Variants in COQ10B observed in about 807,000 individuals in gnomAD.
The protein encoded by COQ10B is coenzyme Q-binding protein COQ10 homolog B, mitochondrial.
COQ10B carries 12 observed loss-of-function variants against 27.6 expected under a neutral mutation model. The ratio of observed to expected loss-of-function variants is 0.43; its 90% confidence interval spans 0.28 to 0.70. The LOEUF is 0.70. Ranked by LOEUF, COQ10B falls within the 30% of genes least tolerant of loss-of-function variation. The probability of loss-of-function intolerance (pLI) is 0.17; values close to 1 mark genes in which losing one functional copy is unlikely to be tolerated. For missense variants in COQ10B, 278 were observed against 288.7 expected, an observed-to-expected ratio of 0.96 and a Z score of 0.27; for synonymous variants, 115 against 103.0, an observed-to-expected ratio of 1.12 and a Z score of -0.71.
At chr2:197,466,118 A>G (rs2085822761) in intron 3 of COQ10B, among the ~76,000 whole-genome samples, 1 of 152,086 alleles carries the variant, frequency 6.6e-6, no homozygotes, top group Non-Finnish European at 1.5e-5. Flanking sequence ...AACAAAAACA[A>G]AACCACACAG....
intron 3 of COQ10B, among the ~76,000 whole-genome samples, chr2:197,468,903 C>T (rs114624191): frequency 0.012 from 1,773 of 152,256 alleles, 37 homozygotes; most frequent in African/African-American, 0.041. Context: ...AAATGCTGAG[C>T]ATCTCTCAGG....
chr2:197,464,406 G>A (rs1048182502), intron 3 of COQ10B, among the ~76,000 whole-genome samples: 2 of 152,054 alleles, frequency 1.3e-5, no homozygotes, highest in Non-Finnish European at 2.9e-5. Flanking sequence ...AGGCATTGAA[G>A]GGGGTGCAGC....
At chr2:197,467,389 T>C (rs867767574) in intron 3 of COQ10B, among the ~76,000 whole-genome samples, 1 of 152,076 alleles carries the variant, frequency 6.6e-6, no homozygotes, top group Non-Finnish European at 1.5e-5. Flanking sequence ...ATTTGATTGA[T>C]TGATTAAGAT....
At chr2:197,453,711 G>T (rs2085663791) in intron 1 of COQ10B, 47 bp downstream of exon 1, 1 of 1,510,012 alleles carries the variant, frequency 6.6e-7, no homozygotes, top group South Asian at 1.1e-5. Context: ...TTCGATTTTG[G>T]CTGCCGAGTT....
chr2:197,460,158 C>G, intron 2 of COQ10B, 77 bp downstream of exon 2: 3 of 979,026 alleles, frequency 3.1e-6, no homozygotes, highest in Non-Finnish European at 4.4e-6. Context: ...GCCTCTTTCT[C>G]TCTGGATTAT....
chr2:197,460,042 T>C lies in COQ10B; in HGVS notation c.215T>C (p.Ile72Thr). 1 of 1,610,454 alleles carries C rather than the reference T, an allele frequency of 6.2e-7. No homozygotes were observed. The highest frequency in any genetic ancestry group is 8.5e-7 in the Non-Finnish European group (1 of 1,177,762). The change falls in exon 2 of 5, where the codon ATA (isoleucine) becomes ACA (threonine). Residue 72 changes from isoleucine to threonine, a missense_variant. Physicochemically the swap from Ile to Thr is moderately conservative, Grantham distance 89. Around this residue, in one of 3 missense-constraint regions of COQ10B, gnomAD observed 183 missense variants for 158.2 expected, o/e 1.16. Coordinates refer to ENST00000263960, the MANE Select transcript of COQ10B (RefSeq NM_025147.5). ...RTFFKITAPL[I>T]NKRKEYSERR... ...TTCTTCAAAATCACTGCACCATTAA[T>C]AAACAAAAGGAAAGAATATTCAGAG...
chr2:197,473,790 C>G lies in COQ10B; in HGVS notation c.583C>G (p.Gln195Glu). The G allele has an allele frequency of 6.3e-7, 1 of 1,588,506 alleles. No homozygotes were observed. ...TGAATTTCGATCACTTCTACATTCC[C>G]AGCTTGCCACACTCTTTTTTGATGA... is the stretch of plus-strand genomic sequence containing the variant. ...SFEFRSLLHS[Q>E]LATLFFDEVV... The change falls in exon 5 of 5, where the codon CAG (glutamine) becomes GAG (glutamate). Residue 195 changes from glutamine (Q) to glutamate (E), a missense_variant. Around this residue, in one of 3 missense-constraint regions of COQ10B, gnomAD observed 83 missense variants for 104.5 expected, o/e 0.79. Coordinates refer to ENST00000263960, the MANE Select transcript of COQ10B (RefSeq NM_025147.5).
chr2:197,462,743 G>C lies in COQ10B; in HGVS notation c.447+12G>C, dbSNP rs1317862943. 1 of 1,413,082 alleles carries C rather than the reference G, an allele frequency of 7.1e-7. No individual in the cohort carries two copies. Among genetic ancestry groups the C allele is most frequent in the African/African-American group, 1.5e-5 (1 of 67,278 alleles). 87.5% of individuals were successfully genotyped at this position (1,413,082 alleles called of 1,614,324 possible). A position where few individuals can be genotyped will look rare whatever the true frequency, so the allele number is the denominator to read the frequency against. ...CTCATTTAGTAAAGGTAACAGTTTT[G>C]TTTTTTGTTGTTTTTAAATATTCTT... On this transcript the variant is annotated intron_variant, in intron 3 of 4. Transcript: ENST00000263960.
chr2:197,463,476 TAA>T (rs777842364), intron 3 of COQ10B, among the ~76,000 whole-genome samples: 88 of 109,540 alleles, frequency 8.0e-4, no homozygotes, highest in African/African-American at 2.4e-3. Context: ...GTCTCAAAAT[TAA>T]AAAAAAAAAA....
intron 4 of COQ10B, among the ~76,000 whole-genome samples, chr2:197,473,249 T>G (rs1386958100): frequency 6.6e-6 from 1 of 151,054 alleles, no homozygotes; most frequent in Admixed American, 6.6e-5. Context: ...AAGTGGAGAT[T>G]TAGTTTAAAA....
intron 4 of COQ10B, among the ~76,000 whole-genome samples, chr2:197,472,088 G>A (rs1362162609): frequency 1.3e-5 from 2 of 151,570 alleles, no homozygotes; most frequent in Non-Finnish European, 2.9e-5. Context: ...ATTAAAATAG[G>A]GAAATATGGG....
At chr2:197,457,811 A>G (rs2085715688) in intron 1 of COQ10B, among the ~76,000 whole-genome samples, 1 of 152,066 alleles carries the variant, frequency 6.6e-6, no homozygotes, top group African/African-American at 2.4e-5. Flanking sequence ...TAGTAAAGGC[A>G]GGGTTTCGCC....
chr2:197,470,202 A>T (rs770374876), intron 4 of COQ10B, 31 bp downstream of exon 4: 27 of 1,303,670 alleles, frequency 2.1e-5, no homozygotes, highest in Non-Finnish European at 2.8e-5. Flanking sequence ...GATTTGTTCC[A>T]CTTATGAGGT....
intron 1 of COQ10B, among the ~76,000 whole-genome samples, chr2:197,455,162 A>G (rs2085682732): frequency 6.7e-6 from 1 of 150,372 alleles, no homozygotes; most frequent in Non-Finnish European, 1.5e-5. Context: ...AACCTGGTAC[A>G]AAGGTTCATG....
intron 3 of COQ10B, among the ~76,000 whole-genome samples, chr2:197,468,462 A>G (rs560778197): frequency 2.0e-5 from 3 of 151,118 alleles, no homozygotes; most frequent in African/African-American, 2.4e-5. Context: ...AAAAAAAAAA[A>G]GTAGTCAGAG....
At chr2:197,460,226 T>G in intron 2 of COQ10B, 145 bp downstream of exon 2, 1 of 507,878 alleles carries the variant, frequency 2.0e-6, no homozygotes, top group Non-Finnish European at 3.3e-6. Context: ...TTTTTTTTTT[T>G]CTTTTGAGAT....
At chr2:197,454,947 T>A (rs1040851164) in intron 1 of COQ10B, among the ~76,000 whole-genome samples, 14 of 152,140 alleles carry the variant, frequency 9.2e-5, no homozygotes, top group Admixed American at 7.2e-4. Context: ...TATATATGAA[T>A]GTGTGTATCT....
intron 1 of COQ10B, among the ~76,000 whole-genome samples, chr2:197,455,884 A>G (rs559315848): frequency 2.2e-4 from 33 of 152,246 alleles, no homozygotes; most frequent in African/African-American, 7.7e-4. Flanking sequence ...ACCTGAGCCC[A>G]GGCAGTGGAG....
At chr2:197,465,414 C>G (rs1028810447) in intron 3 of COQ10B, among the ~76,000 whole-genome samples, 1 of 152,030 alleles carries the variant, frequency 6.6e-6, no homozygotes, top group Admixed American at 6.6e-5. Flanking sequence ...CTCAGCCTCC[C>G]AAGTAGCTGG....
Sources: allele counts gnomAD v4.1 joint callset (sites outside exome capture counted in the v4.1 genomes callset), GRCh38; gene constraint gnomAD v4.1.1; regional missense constraint gnomAD v4.1.1; transcripts MANE v1.5; gene names NCBI Gene and HGNC (gene_info 2026-07-23, HGNC 2026-07-21).